The following CBFB variants were observed in gnomAD, a reference collection of about 807,000 sequenced individuals.
CBFB encodes CBF-beta.
CBFB carries 9 observed loss-of-function variants against 30.4 expected under a neutral mutation model. The observed-to-expected ratio is 0.30, with a 90% CI of 0.18 to 0.52. The LOEUF (loss-of-function observed/expected upper bound fraction) is 0.52, where lower values mean the gene tolerates loss of function less well. Among genes scored for constraint, CBFB ranks in the 20% least tolerant of loss-of-function variants. The pLI is 0.97. For synonymous variants in CBFB, 94 were observed against 84.0 expected (o/e 1.12, Z -0.65); for missense variants, 170 against 244.0 (o/e 0.70, Z 2.02).
At position 67,095,142 on chromosome 16, in the gene CBFB, T is replaced by G. The variant is rs931258458; in HGVS notation, c.496-3568T>G. Among the ~76,000 whole-genome samples the G allele has an allele frequency of 2.2e-5, 3 of 134,194 alleles. No individual in the cohort carries two copies. The East Asian group carries it at 6.5e-4, about 29-fold the overall frequency. 88.0% of individuals were successfully genotyped at this position (134,194 alleles called of 152,430 possible). A position where few individuals can be genotyped will look rare whatever the true frequency, so the allele number is the denominator to read the frequency against. On this transcript the variant is annotated intron_variant, in intron 5 of 5. Coordinates refer to ENST00000412916, the MANE Select transcript of CBFB (RefSeq NM_022845.3). ...CGAGAATTGTTTGAACCTGGGAGGC[T>G]GAAGTTACAGTGAGTTGAGATCAGG...
intron 5 of CBFB, among the ~76,000 whole-genome samples, chr16:67,096,479 G>GTA (rs1962049933): frequency 1.3e-5 from 2 of 148,294 alleles, no homozygotes; most frequent in South Asian, 2.1e-4. Context: ...ATATATATAT[G>GTA]TATATATATA....
Position 67,062,484 on chromosome 16 carries a change from G to T in CBFB, c.283-4198G>T, listed in dbSNP as rs1307073728. On this transcript the variant is annotated intron_variant, in intron 3 of 5. Coordinates refer to ENST00000412916, the MANE Select transcript of CBFB (RefSeq NM_022845.3). ...CGTGCCCAGCCAGGAAAATATTTTT[G>T]ACTATGGACATTAATATGAATAAGC... Among the ~76,000 whole-genome samples, 7 of 150,566 alleles carry T rather than the reference G, an allele frequency of 4.6e-5. No individual in the cohort carries two copies. The South Asian group carries it at 1.5e-3, about 32-fold the overall frequency.
intron 5 of CBFB, among the ~76,000 whole-genome samples, chr16:67,092,336 A>G (rs1961910725): frequency 6.6e-6 from 1 of 151,984 alleles, no homozygotes; most frequent in Admixed American, 6.6e-5. Context: ...TCATGTTGAG[A>G]CTTAAAATTT....
Position 67,098,907 on chromosome 16 carries a change from C to T in CBFB, c.*129C>T, listed in dbSNP as rs1478131487. 3.3e-6 allele frequency: 2 copies of T among 609,116 alleles called. No homozygotes were observed. Among genetic ancestry groups the T allele is most frequent in the Non-Finnish European group, 5.9e-6 (2 of 337,602 alleles). The allele number at this position is 609,116 out of a possible 1,614,324, so 37.7% of individuals were successfully genotyped here. ...CTACGGTCTATTTCTCAACCTTAGG[C>T]AGTAATAGACATCACAAACTGCCAT... On this transcript the variant is annotated 3_prime_UTR_variant, in exon 6 of 6. Transcript: ENST00000412916.
chr16:67,047,594 G>A (rs1966650752), intron 3 of CBFB, among the ~76,000 whole-genome samples: 5 of 152,184 alleles, frequency 3.3e-5, no homozygotes, highest in African/African-American at 9.7e-5. Flanking sequence ...TTCAAAGTTT[G>A]TTCCATATAA....
intron 4 of CBFB, 177 bp downstream of exon 4, chr16:67,066,975 T>G (rs1200675185): frequency 1.1e-5 from 5 of 444,732 alleles, no homozygotes; most frequent in Non-Finnish European, 2.1e-5. Flanking sequence ...TTGGGAAAGT[T>G]TTTTCTTCAG....
At chr16:67,070,013 G>T (rs1961174242) in intron 4 of CBFB, among the ~76,000 whole-genome samples, 1 of 152,034 alleles carries the variant, frequency 6.6e-6, no homozygotes, top group East Asian at 1.9e-4. Flanking sequence ...AAATGTAAAA[G>T]CACCTGATTA....
In CBFB at chr16:67,082,350, T is replaced by C. The variant is rs1476069994; in HGVS notation, c.495+42T>C. On this transcript the variant is annotated intron_variant, in intron 5 of 5. Transcript: ENST00000412916. ...TGCTGGCAGTAACTGGTTAGTACTTTCCCCCAAACTCTCAGGCTGTGTTTG... is the reference window on the plus strand; with the variant it reads ...TGCTGGCAGTAACTGGTTAGTACTTCCCCCCAAACTCTCAGGCTGTGTTTG... The C allele has an allele frequency of 2.5e-6, 4 of 1,603,196 alleles. No homozygotes were observed. The African/African-American group carries it at 5.4e-5, about 21-fold the overall frequency.
intron 3 of CBFB, among the ~76,000 whole-genome samples, chr16:67,060,022 T>C (rs1052041886): frequency 6.6e-6 from 1 of 151,866 alleles, no homozygotes; most frequent in Non-Finnish European, 1.5e-5. Flanking sequence ...TATCCCAATC[T>C]GGAGTGCAGT....
In CBFB at chr16:67,029,798, C is replaced by T; in HGVS notation, c.150C>T (p.Asp50=). ...CACGCTTCCAGAACGCCTGCCGCGA[C>T]GGCCGCTCGGAAATCGTAAGTCGGC... ...RQARFQNACR[D]GRSEIAFVAT... Residue 50 remains aspartate, a synonymous_variant, in exon 2 of 6, where the codon GAC becomes GAT. Transcript: ENST00000412916. The T allele has an allele frequency of 7.6e-6, 12 of 1,587,208 alleles. No homozygotes were observed. Among genetic ancestry groups the T allele is most frequent in the Non-Finnish European group, 1.0e-5 (12 of 1,169,010 alleles).
chr16:67,060,005 C>T (rs1043635368), intron 3 of CBFB, among the ~76,000 whole-genome samples: 10 of 148,586 alleles, frequency 6.7e-5, no homozygotes, highest in Admixed American at 4.1e-4. Context: ...GACAGAGTTT[C>T]GCTCTATATC....
intron 4 of CBFB, among the ~76,000 whole-genome samples, chr16:67,076,820 T>C (rs1961412186): frequency 6.6e-6 from 1 of 152,218 alleles, no homozygotes; most frequent in Non-Finnish European, 1.5e-5. Flanking sequence ...AAGAAGGTCA[T>C]TGTTATTGTA....
chr16:67,059,976 C>CTT (rs370856366), intron 3 of CBFB, among the ~76,000 whole-genome samples: 6 of 132,914 alleles, frequency 4.5e-5, no homozygotes, highest in East Asian at 2.0e-4. Context: ...TTCTTTCTTT[C>CTT]TTTTTTTTTT....
intron 2 of CBFB, among the ~76,000 whole-genome samples, chr16:67,033,826 T>TG (rs960326986): frequency 6.8e-6 from 1 of 146,984 alleles, no homozygotes; most frequent in African/African-American, 2.5e-5. Flanking sequence ...GTTGTTTTTT[T>TG]TTTTTTTTTT....
Position 67,040,712 on chromosome 16 carries a change from T to C in CBFB, c.282+3957T>C, listed in dbSNP as rs902171886. On this transcript the variant is annotated intron_variant, in intron 3 of 5. Transcript: ENST00000412916. ...ATACATAATAAGTTATGTAATAGCT[T>C]ACAAAGTGACAGTACCTTTGGGAAA... is the stretch of plus-strand genomic sequence containing the variant. Among the ~76,000 whole-genome samples the C allele has an allele frequency of 2.0e-5, 3 of 152,182 alleles. No homozygotes were observed. In the South Asian group the frequency reaches 6.2e-4, roughly 31 times the overall value.
chr16:67,074,633 G>A (rs1485283833), intron 4 of CBFB, among the ~76,000 whole-genome samples: 1 of 152,012 alleles, frequency 6.6e-6, no homozygotes, highest in South Asian at 2.1e-4. Context: ...CACCCGCTTC[G>A]GCCTCCCAAA....
chr16:67,098,614 A>T (rs1447040834), intron 5 of CBFB, 96 bp from the exon 6 acceptor site: 8 of 652,536 alleles, frequency 1.2e-5, no homozygotes, highest in Non-Finnish European at 1.6e-5. Flanking sequence ...TTTAGTTATG[A>T]AGTTTTTCTG....
intron 3 of CBFB, among the ~76,000 whole-genome samples, chr16:67,059,283 A>C (rs765992629): frequency 6.6e-6 from 1 of 152,190 alleles, no homozygotes; most frequent in South Asian, 2.1e-4. Context: ...ATTTCAAAAC[A>C]CAGGATTAGT....
At position 67,082,145 on chromosome 16, in the gene CBFB, A is replaced by G. The variant is rs1961576083; in HGVS notation, c.400-68A>G. ...CTGTTTCAGGAAAAAAAAAAAAAAA[A>G]CAAAACCCAAATATTGTATTTTTTT... On this transcript the variant is annotated intron_variant, in intron 4 of 5. Coordinates refer to ENST00000412916, the MANE Select transcript of CBFB (RefSeq NM_022845.3). The G allele has an allele frequency of 2.3e-6, 3 of 1,306,208 alleles. No individual in the cohort carries two copies. In the East Asian group the frequency reaches 7.9e-5, roughly 34 times the overall value. 80.9% of individuals were successfully genotyped at this position (1,306,208 alleles called of 1,614,324 possible). A position where few individuals can be genotyped will look rare whatever the true frequency, so the allele number is the denominator to read the frequency against.
Sources: allele counts gnomAD v4.1 joint callset (sites outside exome capture counted in the v4.1 genomes callset), GRCh38; gene constraint gnomAD v4.1.1; transcripts MANE v1.5; gene names NCBI Gene and HGNC (gene_info 2026-07-23, HGNC 2026-07-21).